The following STEAP1B variants were observed in gnomAD, a reference collection of about 807,000 sequenced individuals.
STEAP1B encodes the protein STEAP family member 1B.
In STEAP1B, 13 loss-of-function variants were observed where a neutral mutation model predicts 27.9. That is an observed-to-expected ratio of 0.47 (90% confidence interval 0.30 to 0.74). The LOEUF (loss-of-function observed/expected upper bound fraction) is 0.74, where lower values mean the gene tolerates loss of function less well. STEAP1B is among the 30% of genes least tolerant of loss of function. The pLI, the probability that STEAP1B is intolerant of heterozygous loss-of-function variation, is 0.06. For synonymous variants in STEAP1B, 86 were observed against 107.1 expected (o/e 0.80, Z 1.22); for missense variants, 250 against 298.7 (o/e 0.84, Z 1.20).
chr7:22,480,961 C>T (rs1355920555), intron 4 of STEAP1B, among the ~76,000 whole-genome samples: 2 of 152,214 alleles, frequency 1.3e-5, no homozygotes, highest in African/African-American at 4.8e-5. Context: ...GGGCAATTGT[C>T]TCTGAGGTTA....
intron 4 of STEAP1B, among the ~76,000 whole-genome samples, chr7:22,429,828 A>G (rs1329026330): frequency 6.6e-6 from 1 of 152,214 alleles, no homozygotes; most frequent in Non-Finnish European, 1.5e-5. Context: ...AAATGGTCAT[A>G]TTGTTTAAGA....
At chr7:22,495,894 T>C (rs1786431660) in intron 1 of STEAP1B, among the ~76,000 whole-genome samples, 1 of 152,226 alleles carries the variant, frequency 6.6e-6, no homozygotes, top group African/African-American at 2.4e-5. Context: ...AAATTCCTAT[T>C]GCCTAATATT....
intron 4 of STEAP1B, among the ~76,000 whole-genome samples, chr7:22,483,311 C>T (rs192700250): frequency 1.3e-5 from 2 of 152,066 alleles, no homozygotes; most frequent in Admixed American, 1.3e-4. Context: ...TTTAACAGAT[C>T]GTTATTCCAC....
At chr7:22,471,087 A>G (rs1428343131) in intron 4 of STEAP1B, among the ~76,000 whole-genome samples, 2 of 152,128 alleles carry the variant, frequency 1.3e-5, no homozygotes, top group East Asian at 3.9e-4. Context: ...TCCTTCTTCA[A>G]ACTTCTAAGT....
At chr7:22,496,777 G>A (rs373435758) in intron 1 of STEAP1B, among the ~76,000 whole-genome samples, 30 of 152,156 alleles carry the variant, frequency 2.0e-4, no homozygotes, top group East Asian at 1.7e-3. Flanking sequence ...ATGAAATCCC[G>A]CCTTACAATG....
intron 4 of STEAP1B, among the ~76,000 whole-genome samples, chr7:22,435,989 C>T (rs1413917749): frequency 1.3e-5 from 2 of 152,178 alleles, no homozygotes; most frequent in East Asian, 3.9e-4. Context: ...CTGGCATGCC[C>T]GGACTCTGGA....
rs190282954 is a variant in STEAP1B, at chr7:22,470,644, T to C, written c.762+21921A>G. ...AGCCAGGTATGGTGGTGCATGCCTG[T>C]AGTCCCAGCTACTTGGGAGACTGAG... is the stretch of plus-strand genomic sequence containing the variant. On this transcript the variant is annotated intron_variant, in intron 4 of 4. Transcript: ENST00000678116. Among the ~76,000 whole-genome samples the C allele has an allele frequency of 5.3e-5, 8 of 152,288 alleles. No individual in the cohort carries two copies. The East Asian group carries it at 9.6e-4, about 18-fold the overall frequency.
At chr7:22,440,432 T>G (rs1410417508) in intron 4 of STEAP1B, among the ~76,000 whole-genome samples, 1 of 152,206 alleles carries the variant, frequency 6.6e-6, no homozygotes, top group Non-Finnish European at 1.5e-5. Context: ...TGGGGTATCT[T>G]GTAAAAATAT....
At chr7:22,487,723 T>G (rs1254213097) in intron 4 of STEAP1B, among the ~76,000 whole-genome samples, 1 of 147,322 alleles carries the variant, frequency 6.8e-6, no homozygotes, top group Non-Finnish European at 1.5e-5. Flanking sequence ...GGAAATCACT[T>G]GAACCTGGGA....
intron 4 of STEAP1B, among the ~76,000 whole-genome samples, chr7:22,457,108 C>G (rs1785601212): frequency 6.6e-6 from 1 of 151,144 alleles, no homozygotes; most frequent in South Asian, 2.1e-4. Flanking sequence ...AAGGCCGAGT[C>G]TCTAAATGTC....
intron 4 of STEAP1B, among the ~76,000 whole-genome samples, chr7:22,443,922 A>C (rs977509508): frequency 6.6e-6 from 1 of 152,240 alleles, no homozygotes; most frequent in Non-Finnish European, 1.5e-5. Flanking sequence ...GCTGAAGGTG[A>C]TGTCCAGCCC....
At chr7:22,484,528 C>A (rs750484191) in intron 4 of STEAP1B, among the ~76,000 whole-genome samples, 1 of 152,196 alleles carries the variant, frequency 6.6e-6, no homozygotes, top group Non-Finnish European at 1.5e-5. Flanking sequence ...CACCTGGTCA[C>A]CCAAGAGCTC....
At chr7:22,434,797 C>A (rs1785234085) in intron 4 of STEAP1B, among the ~76,000 whole-genome samples, 1 of 152,170 alleles carries the variant, frequency 6.6e-6, no homozygotes, top group East Asian at 1.9e-4. Flanking sequence ...CTTGGGAATT[C>A]TGCTAATATT....
intron 4 of STEAP1B, among the ~76,000 whole-genome samples, chr7:22,471,477 C>A (rs1181784027): frequency 6.6e-6 from 1 of 152,232 alleles, no homozygotes; most frequent in Admixed American, 6.5e-5. Flanking sequence ...CCTCTTCAAT[C>A]TTCCCACAAG....
At chr7:22,429,704 T>C (rs6954519) in intron 4 of STEAP1B, among the ~76,000 whole-genome samples, 5,099 of 152,308 alleles carry the variant, frequency 0.033, 290 homozygotes, top group African/African-American at 0.12. Flanking sequence ...GTTTATTTTT[T>C]TAAATTTCTA....
At chr7:22,443,694 C>A (rs768708125) in intron 4 of STEAP1B, among the ~76,000 whole-genome samples, 5 of 152,212 alleles carry the variant, frequency 3.3e-5, no homozygotes, top group Non-Finnish European at 7.3e-5. Flanking sequence ...GGAAACTGCA[C>A]GTGGATGGCA....
chr7:22,437,309 G>C (rs1431554274), intron 4 of STEAP1B, among the ~76,000 whole-genome samples: 1 of 152,026 alleles, frequency 6.6e-6, no homozygotes, highest in African/African-American at 2.4e-5. Flanking sequence ...CTGTTTCTAT[G>C]AGTTTGACTA....
intron 4 of STEAP1B, among the ~76,000 whole-genome samples, chr7:22,455,869 C>A (rs1321710156): frequency 6.6e-6 from 1 of 152,124 alleles, no homozygotes; most frequent in East Asian, 1.9e-4. Flanking sequence ...TCTTCCTGGC[C>A]GGGCACAGTG....
At chr7:22,478,585 G>C (rs1786013850) in intron 4 of STEAP1B, among the ~76,000 whole-genome samples, 2 of 152,168 alleles carry the variant, frequency 1.3e-5, no homozygotes. Context: ...TTAATGTTAA[G>C]CCTCTCTGGG....
Sources: allele counts gnomAD v4.1 joint callset (sites outside exome capture counted in the v4.1 genomes callset), GRCh38; gene constraint gnomAD v4.1.1; transcripts MANE v1.5; gene names NCBI Gene and HGNC (gene_info 2026-07-23, HGNC 2026-07-21).